The following TEX14 variants were observed in gnomAD, a reference collection of about 807,000 sequenced individuals.
TEX14 encodes inactive serine/threonine-protein kinase TEX14.
A neutral mutation model predicts 178.6 loss-of-function variants in TEX14; 168 were observed. That is an observed-to-expected ratio of 0.94 (90% CI 0.83 to 1.07). The LOEUF (loss-of-function observed/expected upper bound fraction) is 1.07, where lower values mean the gene tolerates loss of function less well. TEX14 is among the 50% of genes least tolerant of loss of function. The probability of loss-of-function intolerance (pLI) is 0.00; values close to 1 mark genes in which losing one functional copy is unlikely to be tolerated. For synonymous variants in TEX14, 626 were observed against 634.1 expected (o/e 0.99, Z 0.19); for missense variants, 1,730 against 1,753.6 (o/e 0.99, Z 0.24).
intron 1 of TEX14, among the ~76,000 whole-genome samples, chr17:58,662,890 C>G (rs1357715597): frequency 6.6e-6 from 1 of 151,928 alleles, no homozygotes. Context: ...AAGGCTGAGA[C>G]GGGTGGATCA....
At chr17:58,638,746 G>C (rs555558360) in intron 2 of TEX14, among the ~76,000 whole-genome samples, 2 of 151,892 alleles carry the variant, frequency 1.3e-5, no homozygotes, top group South Asian at 4.2e-4. Flanking sequence ...CTCCATGTTG[G>C]TCAGGCTGGT....
chr17:58,620,446 C>G (rs1327979609), intron 5 of TEX14, among the ~76,000 whole-genome samples: 1 of 152,164 alleles, frequency 6.6e-6, no homozygotes, highest in Non-Finnish European at 1.5e-5. Flanking sequence ...CCTCTCACCT[C>G]AGCCTCCAGA....
chr17:58,620,901 C>T (rs574075229), intron 5 of TEX14, among the ~76,000 whole-genome samples: 1 of 152,132 alleles, frequency 6.6e-6, no homozygotes, highest in South Asian at 2.1e-4. Flanking sequence ...GAACTCATCT[C>T]GCCTGAGAAG....
In TEX14 at chr17:58,655,518, T is replaced by C. The variant is rs145929439; in HGVS notation, c.-1-3516A>G. On this transcript the variant is annotated intron_variant, in intron 1 of 31. Coordinates refer to ENST00000349033, the MANE Select transcript of TEX14 (RefSeq NM_031272.5). ...TATTTTTAGTAGAGATGGGGTTTCA[T>C]AATGTTGGCCAAGCTGGTCTCAAAC... is the stretch of plus-strand genomic sequence containing the variant. Among the ~76,000 whole-genome samples the C allele has an allele frequency of 5.7e-3, 868 of 152,136 alleles. 5 individuals carry two copies. Among genetic ancestry groups the C allele is most frequent in the African/African-American group, 9.2e-3 (382 of 41,514 alleles).
chr17:58,635,763 T>G (rs2046421491), intron 2 of TEX14, among the ~76,000 whole-genome samples: 1 of 150,208 alleles, frequency 6.7e-6, no homozygotes, highest in African/African-American at 2.5e-5. Context: ...TGAGACAGAG[T>G]CTCTGTCGCC....
At chr17:58,604,878 TAA>T in intron 11 of TEX14, 98 bp downstream of exon 11, 3 of 1,346,502 alleles carry the variant, frequency 2.2e-6, no homozygotes, top group Non-Finnish European at 3.1e-6. Context: ...CTCTTTTTAA[TAA>T]GTCTTCTATT....
intron 1 of TEX14, among the ~76,000 whole-genome samples, chr17:58,683,754 C>T (rs1041028494): frequency 2.4e-5 from 3 of 125,286 alleles, no homozygotes; most frequent in African/African-American, 9.3e-5. Context: ...CAGAGCAAGA[C>T]TCCAGCTCAA....
intron 9 of TEX14, among the ~76,000 whole-genome samples, chr17:58,611,709 G>A (rs1029915942): frequency 3.9e-5 from 6 of 152,236 alleles, no homozygotes; most frequent in Non-Finnish European, 8.8e-5. Flanking sequence ...CCAAGCTGCT[G>A]GGGAGAACCT....
rs757279274 is a variant in TEX14 at position 58,573,359 on chromosome 17, AAAC to A, written c.3384-54_3384-52del. ...TGATGAGAAGATGACTAGAAAAATC[AAAC>A]AATATATTCCTGAGAGGTACTTTTT... On this transcript the variant is annotated intron_variant, in intron 22 of 31. Transcript: ENST00000349033. 12 of 1,575,334 alleles carry A rather than the reference AAAC, an allele frequency of 7.6e-6. No individual in the cohort carries two copies. In the African/African-American group the frequency reaches 1.4e-4, roughly 18 times the overall value.
chr17:58,651,958 A>C lies in TEX14; in HGVS notation c.44T>G (p.Leu15Arg). Residue 15 changes from leucine (L) to arginine (R), a missense_variant, in exon 2 of 32, where the codon CTT becomes CGT. Physicochemically the swap from Leu to Arg is moderately radical, Grantham distance 102. This residue lies in a region of TEX14 where 789 missense variants were observed against 681.2 expected (regional missense o/e 1.16). Transcript: ENST00000349033. ...CAGGGAGTCATTTCTTAAGGTACCAAGTTGAACAGGACAGGGGACTGGAAG... is the reference window on the plus strand; with the variant it reads ...CAGGGAGTCATTTCTTAAGGTACCACGTTGAACAGGACAGGGGACTGGAAG... The part of the protein sequence containing the change: ...VRLPVPCPVQ[L>R]GTLRNDSLEA... The C allele has an allele frequency of 6.2e-7, 1 of 1,613,362 alleles. No individual in the cohort carries two copies. The highest frequency in any genetic ancestry group is 8.5e-7 in the Non-Finnish European group (1 of 1,179,852).
rs184139304 is a variant in TEX14 at position 58,573,421 on chromosome 17, T to C, written c.3384-113A>G. 2.2e-4 allele frequency: 203 copies of C among 912,986 alleles called. 1 individual carries two copies. The African/African-American group carries it at 2.3e-3, about 10-fold the overall frequency. 56.6% of individuals were successfully genotyped at this position (912,986 alleles called of 1,614,324 possible). A position where few individuals can be genotyped will look rare whatever the true frequency, so the allele number is the denominator to read the frequency against. ...TCTTAACAAAATTTGTATGTGGCAATAGGCCAGAATTAGAGAATATCTTAG... is the reference window on the plus strand; with the variant it reads ...TCTTAACAAAATTTGTATGTGGCAACAGGCCAGAATTAGAGAATATCTTAG... On this transcript the variant is annotated intron_variant, in intron 22 of 31. Transcript: ENST00000349033.
intron 18 of TEX14, 64 bp downstream of exon 18, chr17:58,585,737 A>G: frequency 1.3e-6 from 2 of 1,531,230 alleles, no homozygotes; most frequent in South Asian, 2.4e-5. Context: ...TTACAGGCTG[A>G]GCCACCTCGC....
At chr17:58,604,944 G>A in intron 11 of TEX14, 34 bp downstream of exon 11, 1 of 1,611,272 alleles carries the variant, frequency 6.2e-7, no homozygotes. Context: ...CTAAGAATAG[G>A]GACTTTGGTC....
chr17:58,572,122 G>A lies in TEX14; in HGVS notation c.3516C>T (p.Ser1172=), dbSNP rs753716897. 7.5e-6 allele frequency: 12 copies of A among 1,602,620 alleles called. No homozygotes were observed. The highest frequency in any genetic ancestry group is 2.2e-5 in the East Asian group (1 of 44,622). ...TATACTGACTGGCAGCTGAAGAAAC[G>A]GACCCTGTTGGAGAAAAGCGGAAGG... ...TSVSTPLSPG[S]VSSAASQYKD... The change falls in exon 24 of 32, where the codon TCC becomes TCT. Residue 1172 remains serine (S), a synonymous_variant. Coordinates refer to ENST00000349033, the MANE Select transcript of TEX14 (RefSeq NM_031272.5).
intron 20 of TEX14, 37 bp downstream of exon 20, chr17:58,579,628 A>C (rs1398427945): frequency 6.4e-7 from 1 of 1,551,508 alleles, no homozygotes; most frequent in Non-Finnish European, 8.9e-7. Flanking sequence ...ATTTAAGGGA[A>C]GTGATTCTCA....
At chr17:58,688,504 T>C (rs1007941387) in intron 1 of TEX14, among the ~76,000 whole-genome samples, 3 of 152,238 alleles carry the variant, frequency 2.0e-5, no homozygotes, top group Non-Finnish European at 4.4e-5. Context: ...CAACTGAATA[T>C]GCGCATTAGA....
intron 15 of TEX14, among the ~76,000 whole-genome samples, chr17:58,590,279 A>C (rs1344850346): frequency 6.6e-6 from 1 of 150,986 alleles, no homozygotes; most frequent in Admixed American, 6.6e-5. Flanking sequence ...AAAAAAAAAA[A>C]ACCATGAACT....
chr17:58,661,499 G>A (rs758789283), intron 1 of TEX14: 4 of 780,810 alleles, frequency 5.1e-6, no homozygotes, highest in Admixed American at 5.1e-5. Flanking sequence ...GGAACCGGTG[G>A]GTTCAGTCGC....
At chr17:58,634,173 G>A (rs2046383151) in intron 2 of TEX14, among the ~76,000 whole-genome samples, 1 of 152,118 alleles carries the variant, frequency 6.6e-6, no homozygotes, top group African/African-American at 2.4e-5. Flanking sequence ...AGCACTTTGG[G>A]AAGCTGAGGT....
Sources: gnomAD v4.1 joint callset for allele counts (sites outside exome capture counted in the v4.1 genomes callset) on GRCh38, gnomAD v4.1.1 for gene constraint, gnomAD v4.1.1 regional missense constraint, MANE v1.5 for transcripts, NCBI Gene and HGNC (gene_info 2026-07-23, HGNC 2026-07-21) for gene names.